The following KCNK10 variants were observed in gnomAD, a reference collection of about 807,000 sequenced individuals.
KCNK10 encodes potassium two pore domain channel subfamily K member 10.
A neutral mutation model predicts 47.7 loss-of-function variants in KCNK10; 25 were observed. That is an observed-to-expected ratio of 0.52 (90% CI 0.38 to 0.73). The LOEUF is 0.73. Among genes scored for constraint, KCNK10 ranks in the 30% least tolerant of loss-of-function variants. The pLI is 0.00. For synonymous variants in KCNK10, 303 were observed against 285.6 expected (o/e 1.06, Z -0.61); for missense variants, 563 against 714.5 (o/e 0.79, Z 2.42).
chr14:88,249,781 C>T (rs866148377), intron 2 of KCNK10, among the ~76,000 whole-genome samples: 88 of 152,218 alleles, frequency 5.8e-4, no homozygotes, highest in African/African-American at 1.9e-3. Flanking sequence ...CCACAGTAAG[C>T]ACCATGCCAG....
rs1456099164 is a variant in KCNK10 at position 88,260,886 on chromosome 14, G to A, written c.402+2316C>T. 6.6e-6 allele frequency among the ~76,000 whole-genome samples: 1 copy of A among 152,108 alleles called. No individual in the cohort carries two copies. The highest frequency in any genetic ancestry group is 1.9e-4 in the East Asian group (1 of 5,192). On this transcript the variant is annotated intron_variant, in intron 2 of 6. Coordinates refer to ENST00000319231, the MANE Select transcript of KCNK10 (RefSeq NM_138317.3). The surrounding 1 kb of genome is among the most constrained non-coding windows in gnomAD (Gnocchi z 4.5). ...TCTCATTTCACAGAGAAATCTTTGA[G>A]GTCAAAACAGGACACCAGTCTTAAT...
intron 2 of KCNK10, among the ~76,000 whole-genome samples, chr14:88,255,528 T>A (rs868395601): frequency 3.5e-4 from 33 of 93,190 alleles, no homozygotes; most frequent in African/African-American, 1.5e-3. Flanking sequence ...ACCCTGTCTC[T>A]ACCAAAAAAA....
chr14:88,218,933 G>A (rs1885710906), intron 4 of KCNK10, among the ~76,000 whole-genome samples: 1 of 152,114 alleles, frequency 6.6e-6, no homozygotes, highest in African/African-American at 2.4e-5. Flanking sequence ...TAATTAGTAT[G>A]GTATACTAAA....
At chr14:88,245,598 C>A (rs1886614030) in intron 2 of KCNK10, among the ~76,000 whole-genome samples, 1 of 152,178 alleles carries the variant, frequency 6.6e-6, no homozygotes, top group Non-Finnish European at 1.5e-5. Context: ...CACAGGGGAC[C>A]ACTAACTGTC....
chr14:88,207,276 C>T (rs1420695598), intron 4 of KCNK10, among the ~76,000 whole-genome samples: 1 of 151,494 alleles, frequency 6.6e-6, no homozygotes, highest in African/African-American at 2.4e-5. Flanking sequence ...AGGTTCACGC[C>T]ATTCTCCTGC....
upstream of KCNK10, chr14:88,326,459 A>G (rs1888664465): frequency 6.2e-7 from 1 of 1,613,070 alleles, no homozygotes; most frequent in African/African-American, 1.3e-5. Context: ...AAAACATCCA[A>G]GAAAGATGCC....
In KCNK10 at chr14:88,194,912, G is replaced by A. The variant is rs553180320; in HGVS notation, c.682-2502C>T. Among the ~76,000 whole-genome samples, 280 of 152,146 alleles carry A rather than the reference G, an allele frequency of 1.8e-3. 1 individual carries two copies. Among genetic ancestry groups the A allele is most frequent in the Non-Finnish European group, 3.0e-3 (201 of 68,004 alleles). On this transcript the variant is annotated intron_variant, in intron 4 of 6. Transcript: ENST00000319231. The stretch of plus-strand genomic sequence containing the variant: ...CTTGCATGTGTATGTGTGTGTAGGT[G>A]TATGAAAATATGTGTATACCCATAC...
At chr14:88,253,730 T>C (rs777827880) in intron 2 of KCNK10, among the ~76,000 whole-genome samples, 12 of 152,046 alleles carry the variant, frequency 7.9e-5, no homozygotes, top group Non-Finnish European at 1.3e-4. Context: ...CAACACCCTG[T>C]CTCTACTAAA....
chr14:88,232,173 G>T (rs1281680886), intron 3 of KCNK10, among the ~76,000 whole-genome samples: 1 of 152,148 alleles, frequency 6.6e-6, no homozygotes, highest in African/African-American at 2.4e-5. Flanking sequence ...TAAGTTCCCA[G>T]GAATATGTGA....
intron 1 of KCNK10, among the ~76,000 whole-genome samples, chr14:88,316,630 C>T (rs1888436363): frequency 6.6e-6 from 1 of 152,214 alleles, no homozygotes; most frequent in Non-Finnish European, 1.5e-5. Context: ...ACTCTAACCT[C>T]ATCTGGATCA....
chr14:88,217,542 T>A (rs1206504008), intron 4 of KCNK10, among the ~76,000 whole-genome samples: 1 of 152,178 alleles, frequency 6.6e-6, no homozygotes, highest in Admixed American at 6.5e-5. Context: ...TAATAATTTT[T>A]ATTTTTTTAT....
At chr14:88,242,353 T>C (rs1595100305) in intron 2 of KCNK10, among the ~76,000 whole-genome samples, 1 of 152,236 alleles carries the variant, frequency 6.6e-6, no homozygotes, top group East Asian at 1.9e-4. Flanking sequence ...CATATGGTTC[T>C]CTGTTGTATA....
chr14:88,226,567 G>A (rs1940543), intron 4 of KCNK10, among the ~76,000 whole-genome samples: 44,306 of 152,014 alleles, frequency 0.29, 7,108 homozygotes, highest in East Asian at 0.47. Context: ...TGAGTAAGAG[G>A]GCAGAAGTGA....
chr14:88,263,626 G>A, intron 1 of KCNK10, 75 bp from the exon 2 acceptor site: 1 of 1,286,652 alleles, frequency 7.8e-7, no homozygotes, highest in Non-Finnish European at 1.1e-6. Flanking sequence ...CAGAAACAAA[G>A]CACAGATGTC....
chr14:88,325,656 G>A (rs1888645145), upstream of KCNK10, among the ~76,000 whole-genome samples: 1 of 148,824 alleles, frequency 6.7e-6, no homozygotes, highest in African/African-American at 2.5e-5. Context: ...GGGTAATGAA[G>A]GTCTAAATAC....
intron 1 of KCNK10, among the ~76,000 whole-genome samples, chr14:88,290,202 G>A (rs890700752): frequency 2.0e-5 from 3 of 152,200 alleles, no homozygotes; most frequent in Non-Finnish European, 4.4e-5. Context: ...AAGGGGGAGC[G>A]GGAGGGCCAG....
chr14:88,283,983 T>A (rs911749484), intron 1 of KCNK10, among the ~76,000 whole-genome samples: 3 of 152,116 alleles, frequency 2.0e-5, no homozygotes, highest in Non-Finnish European at 1.5e-5. Flanking sequence ...GTTACAAATA[T>A]ATTAAATATA....
In KCNK10 at chr14:88,240,810, T is replaced by C; in HGVS notation, c.413A>G (p.Asp138Gly). The C allele has an allele frequency of 6.2e-7, 1 of 1,605,990 alleles. No individual in the cohort carries two copies. The highest frequency in any genetic ancestry group is 8.5e-7 in the Non-Finnish European group (1 of 1,173,252). The change falls in exon 3 of 7, where the codon GAT (aspartate) becomes GGT (glycine). Residue 138 changes from aspartate to glycine, a missense_variant. By Grantham distance (94) the Asp-to-Gly change is moderately conservative (BLOSUM62 -1). Transcript: ENST00000319231. The part of the protein sequence containing the change: ...ELETLIQHAL[D>G]ADNAGVSPIG... Reference sequence around the variant, plus strand: ...TGGACTGACTCCCGCATTGTCAGCATCAAGAGCATGCTGCAAAGAAAGGGA... The same window carrying C: ...TGGACTGACTCCCGCATTGTCAGCACCAAGAGCATGCTGCAAAGAAAGGGA...
chr14:88,231,829 CAAGAAAAACCTTCTTCAAA>C (rs1156590318), intron 3 of KCNK10, among the ~76,000 whole-genome samples: 1 of 152,168 alleles, frequency 6.6e-6, no homozygotes. Flanking sequence ...TATCTCAGCA[CAAGAAAAACCTTCTTCAAA>C]AAGAAGTGCT....
Sources: allele counts gnomAD v4.1 joint callset (sites outside exome capture counted in the v4.1 genomes callset), GRCh38; gene constraint gnomAD v4.1.1; non-coding constraint Gnocchi (gnomAD v3.1); transcripts MANE v1.5; gene names NCBI Gene and HGNC (gene_info 2026-07-23, HGNC 2026-07-21).